Variants in TMC4 observed in about 807,000 individuals in gnomAD.
The protein encoded by TMC4 is transmembrane channel like 4.
Under a neutral mutation model 82.0 loss-of-function variants are expected in TMC4, and 70 were observed. The observed-to-expected ratio is 0.85, with a 90% CI of 0.70 to 1.04. TMC4 has a LOEUF of 1.04. Among genes scored for constraint, TMC4 ranks in the 50% least tolerant of loss-of-function variants. TMC4 has a pLI of 0.00. For missense variants in TMC4, 879 were observed against 899.0 expected (o/e 0.98, Z 0.28); for synonymous variants, 446 against 406.0 (o/e 1.10, Z -1.18).
rs2075503142 is a variant in TMC4 at position 54,160,234 on chromosome 19, C to T, written c.*72G>A. 1.0e-5 allele frequency: 15 copies of T among 1,448,326 alleles called. No individual in the cohort carries two copies. Among genetic ancestry groups the T allele is most frequent in the African/African-American group, 1.4e-5 (1 of 70,384 alleles). 89.7% of individuals were successfully genotyped at this position (1,448,326 alleles called of 1,614,324 possible). A position where few individuals can be genotyped will look rare whatever the true frequency, so the allele number is the denominator to read the frequency against. ...GGGCGTGGAGTCTTCTCCAGTTCTC[C>T]TAGTTTACAGATGTTGTGACCTAGG... On this transcript the variant is annotated 3_prime_UTR_variant, in exon 15 of 15. Coordinates refer to ENST00000619895, the MANE Select transcript of TMC4 (RefSeq NM_144686.4).
At chr19:54,169,469 G>A in intron 3 of TMC4, 43 bp downstream of exon 3, 1 of 1,581,608 alleles carries the variant, frequency 6.3e-7, no homozygotes, top group Non-Finnish European at 8.6e-7. Context: ...AGACCCAGGA[G>A]TCCAGGCCCT....
intron 8 of TMC4, 101 bp from the exon 9 acceptor site, chr19:54,163,260 G>A: frequency 7.3e-7 from 1 of 1,365,202 alleles, no homozygotes. Flanking sequence ...TCTCACAGAT[G>A]AAGCTGAGGC....
At chr19:54,164,264 C>T (rs1489063796) in intron 7 of TMC4, among the ~76,000 whole-genome samples, 170 bp downstream of exon 7, 1 of 152,086 alleles carries the variant, frequency 6.6e-6, no homozygotes, top group Admixed American at 6.6e-5. Flanking sequence ...TAAGCCACCG[C>T]GCCCAGCCTC....
intron 2 of TMC4, 92 bp from the exon 3 acceptor site, chr19:54,169,752 A>G: frequency 6.5e-7 from 1 of 1,529,298 alleles, no homozygotes. Context: ...AGAATGGAGA[A>G]GTAAATTGTG....
rs994333456 is a variant in TMC4 at position 54,172,823 on chromosome 19, C to T, written c.79+216G>A. ...ACCCAAACTCCCAGCCCTTAGCCCT[C>T]CCCTCCTCCCAGACTAGCCTGGTTC... On this transcript the variant is annotated intron_variant, in intron 1 of 14. Coordinates refer to ENST00000619895, the MANE Select transcript of TMC4 (RefSeq NM_144686.4). The T allele has an allele frequency of 1.9e-5, 10 of 528,450 alleles. No individual in the cohort carries two copies. The African/African-American group carries it at 1.9e-4, about 10-fold the overall frequency. 32.7% of individuals were successfully genotyped at this position (528,450 alleles called of 1,614,324 possible). A position where few individuals can be genotyped will look rare whatever the true frequency, so the allele number is the denominator to read the frequency against.
At position 54,162,185 on chromosome 19, in the gene TMC4, C is replaced by G. The variant is rs750838464; in HGVS notation, c.1603G>C (p.Val535Leu). The G allele has an allele frequency of 9.3e-6, 15 of 1,613,748 alleles. No individual in the cohort carries two copies. Among genetic ancestry groups the G allele is most frequent in the Non-Finnish European group, 1.3e-5 (15 of 1,179,864 alleles). ...EVLGLIYAQT[V>L]VWVGSFFCPL... The stretch of plus-strand genomic sequence containing the variant: ...CAGAAAAAACTCCCCACCCAGACCA[C>G]CGTCTGCGCGTAGATGAGCCCCAGC... The change falls in exon 11 of 15, where the codon GTG (valine) becomes CTG (leucine). Residue 535 changes from valine to leucine, a missense_variant. Transcript: ENST00000619895.
chr19:54,172,483 G>C (rs895474361), intron 1 of TMC4, among the ~76,000 whole-genome samples: 2 of 146,770 alleles, frequency 1.4e-5, no homozygotes, highest in Non-Finnish European at 3.0e-5. Flanking sequence ...CTCAGACCCA[G>C]GAGAACAGGC....
Position 54,166,144 on chromosome 19 carries a change from C to T in TMC4, c.798-578G>A, listed in dbSNP as rs140807869. Among the ~76,000 whole-genome samples, 822 of 150,760 alleles carry T rather than the reference C, an allele frequency of 5.5e-3. 2 individuals carry two copies. Among genetic ancestry groups the T allele is most frequent in the Non-Finnish European group, 9.5e-3 (642 of 67,690 alleles). On this transcript the variant is annotated intron_variant, in intron 5 of 14. Transcript: ENST00000619895. ...CTGTAATCCCAGCACTTTGGGAGGC[C>T]GAGGGGGGAGGATCACCTGAGGTCA...
chr19:54,161,726 G>C (rs545784769), intron 11 of TMC4, among the ~76,000 whole-genome samples: 1 of 152,198 alleles, frequency 6.6e-6, no homozygotes, highest in Admixed American at 6.5e-5. Context: ...ATTTTTAGTA[G>C]AGACGGGGTT....
rs115594256 is a variant in TMC4, at chr19:54,166,617, C to T, written c.798-1051G>A. Among the ~76,000 whole-genome samples, 233 of 152,248 alleles carry T rather than the reference C, an allele frequency of 1.5e-3. 1 individual carries two copies. Among genetic ancestry groups the T allele is most frequent in the African/African-American group, 5.2e-3 (215 of 41,550 alleles). ...CTTTTGATGCAACTCAGACCGTATT[C>T]CCCTGTTTAAGACCTATTCCAGGGC... On this transcript the variant is annotated intron_variant, in intron 5 of 14. Coordinates refer to ENST00000619895, the MANE Select transcript of TMC4 (RefSeq NM_144686.4).
chr19:54,171,072 C>T (rs1456413293), intron 2 of TMC4, among the ~76,000 whole-genome samples: 4 of 50,220 alleles, frequency 8.0e-5, no homozygotes, highest in African/African-American at 2.7e-4. Flanking sequence ...CATATATATA[C>T]ATATATATGT....
chr19:54,160,366 C>T lies in TMC4; in HGVS notation c.2061G>A (p.Gln687=). 1 of 1,537,044 alleles carries T rather than the reference C, an allele frequency of 6.5e-7. No individual in the cohort carries two copies. Among genetic ancestry groups the T allele is most frequent in the African/African-American group, 1.4e-5 (1 of 72,230 alleles). The change falls in exon 15 of 15, where the codon CAG becomes CAA. Residue 687 remains glutamine (Q), a synonymous_variant. Coordinates refer to ENST00000619895, the MANE Select transcript of TMC4 (RefSeq NM_144686.4). ...ELKRQRETEA[Q]NKVFLARRAV... ...CGCGCCGTGCCAGGAAGACTTTATT[C>T]TGCGCCTCCTGGGGCAAAGAGAGGT... is the stretch of plus-strand genomic sequence containing the variant.
chr19:54,164,129 C>G (rs989222135), intron 7 of TMC4, among the ~76,000 whole-genome samples: 1 of 151,900 alleles, frequency 6.6e-6, no homozygotes, highest in African/African-American at 2.4e-5. Context: ...CGCCCACCAC[C>G]ACGCCCGTCT....
rs376882058 is a variant in TMC4, at chr19:54,171,857, G to A, written c.293+13C>T. The A allele has an allele frequency of 6.3e-7, 1 of 1,583,030 alleles. No homozygotes were observed. The highest frequency in any genetic ancestry group is 1.3e-5 in the African/African-American group (1 of 74,166). Reference sequence around the variant, plus strand: ...CCGGGCTGTGCGGGTCCCAGCTGGAGGTGGGGCCTCACCTGTGTGCCCGTC... The same window carrying A: ...CCGGGCTGTGCGGGTCCCAGCTGGAAGTGGGGCCTCACCTGTGTGCCCGTC... On this transcript the variant is annotated intron_variant, in intron 2 of 14. Transcript: ENST00000619895.
Position 54,162,700 on chromosome 19 carries a change from A to G in TMC4, c.1475T>C (p.Val492Ala). Residue 492 changes from valine (V) to alanine (A), a missense_variant, in exon 10 of 15, where the codon GTC becomes GCC. Coordinates refer to ENST00000619895, the MANE Select transcript of TMC4 (RefSeq NM_144686.4). ...TCTAGGAAACTGGATGAGCAGCGCG[A>G]CTGCCAAGACAGTCAGCAGATCAAA... is the stretch of plus-strand genomic sequence containing the variant. ...LLFDLLTVLA[V>A]ALLIQFPRKL... 2 of 1,614,038 alleles carry G rather than the reference A, an allele frequency of 1.2e-6. No individual in the cohort carries two copies. The highest frequency in any genetic ancestry group is 1.7e-6 in the Non-Finnish European group (2 of 1,179,988).
At chr19:54,164,770 G>T in intron 6 of TMC4, 169 bp from the exon 7 acceptor site, 1 of 871,698 alleles carries the variant, frequency 1.1e-6, no homozygotes, top group Non-Finnish European at 1.7e-6. Context: ...GGAAACCAGC[G>T]GCCCTTTACA....
Position 54,169,512 on chromosome 19 carries a change from C to G in TMC4, c.442G>C (p.Gly148Arg), listed in dbSNP as rs1342520798. 1.2e-6 allele frequency: 2 copies of G among 1,611,974 alleles called. No individual in the cohort carries two copies. The highest frequency in any genetic ancestry group is 1.7e-5 in the Admixed American group (1 of 59,904). Reference sequence around the variant, plus strand: ...GGACACCACCCAAACCCCACCGCACCCCCGATCCTCTTCAGTGTCCACGCC... The same window carrying G: ...GGACACCACCCAAACCCCACCGCACGCCCGATCCTCTTCAGTGTCCACGCC... The part of the protein sequence containing the change: ...PWAWTLKRIG[G>R]QFGAGTESYF... The change falls in exon 3 of 15, where the codon GGC becomes CGC. Residue 148 changes from glycine (G) to arginine (R), a missense_variant and splice_region_variant. Transcript: ENST00000619895.
rs2075943261 is a variant in TMC4, at chr19:54,172,869, AC to A, written c.79+169del. On this transcript the variant is annotated intron_variant, in intron 1 of 14. Coordinates refer to ENST00000619895, the MANE Select transcript of TMC4 (RefSeq NM_144686.4). ...GGTTCTCCAGGCTCCTCCTCCTCAGACCCTGGAGTTCCAGCCTCCAGTTCCC... is the reference window on the plus strand; with the variant it reads ...GGTTCTCCAGGCTCCTCCTCCTCAGACCTGGAGTTCCAGCCTCCAGTTCCC... 6.3e-6 allele frequency: 4 copies of A among 638,290 alleles called. No homozygotes were observed. The Admixed American group carries it at 1.1e-4, about 18-fold the overall frequency. 39.5% of individuals were successfully genotyped at this position (638,290 alleles called of 1,614,324 possible).
At chr19:54,162,587 A>G (rs1052368727) in intron 10 of TMC4, 86 bp downstream of exon 10, 2 of 1,118,238 alleles carry the variant, frequency 1.8e-6, no homozygotes, top group East Asian at 4.8e-5. Context: ...GGGAATGGTA[A>G]AAAGGTGCGC....
Sources: allele counts gnomAD v4.1 joint callset (sites outside exome capture counted in the v4.1 genomes callset), GRCh38; gene constraint gnomAD v4.1.1; transcripts MANE v1.5; gene names NCBI Gene and HGNC (gene_info 2026-07-23, HGNC 2026-07-21).